TRMO: variants seen among roughly 807,000 people sequenced by gnomAD.
TRMO encodes the protein tRNA methyltransferase O, also known as tRNA (adenine(37)-N6)-methyltransferase.
In TRMO, 30 loss-of-function variants were observed where a neutral mutation model predicts 37.2. The observed-to-expected ratio is 0.81, with a 90% CI of 0.60 to 1.09. The LOEUF is 1.09. Ranked by LOEUF, TRMO falls within the 50% of genes least tolerant of loss-of-function variation. The probability of loss-of-function intolerance (pLI) is 0.00; values close to 1 mark genes in which losing one functional copy is unlikely to be tolerated. For synonymous variants in TRMO, 239 were observed against 199.4 expected (o/e 1.20, Z -1.67); for missense variants, 552 against 549.5 (o/e 1.00, Z -0.05).
chr9:97,920,137 G>C (rs1216903387), intron 1 of TRMO, among the ~76,000 whole-genome samples: 1 of 152,200 alleles, frequency 6.6e-6, no homozygotes, highest in African/African-American at 2.4e-5. Context: ...CAAAAGAACA[G>C]TAAACACCTA....
chr9:97,898,838 C>CTTTTTT, the TRMO span, among the ~76,000 whole-genome samples: 135 of 89,048 alleles, frequency 1.5e-3, 21 homozygotes, highest in East Asian at 8.3e-3. Context: ...TATATATATA[C>CTTTTTT]TTTTTTTTTT....
intron 2 of TRMO, among the ~76,000 whole-genome samples, chr9:97,915,465 C>A (rs1826312726): frequency 6.6e-6 from 1 of 152,098 alleles, no homozygotes; most frequent in African/African-American, 2.4e-5. Flanking sequence ...AAATAATTTA[C>A]AAAAATGGGC....
rs574170108 is a variant in TRMO at position 97,922,471 on chromosome 9, C to T, written c.23G>A (p.Gly8Glu). The T allele has an allele frequency of 1.1e-5, 17 of 1,585,292 alleles. No homozygotes were observed. The African/African-American group carries it at 2.1e-4, about 20-fold the overall frequency. Reference sequence around the variant, plus strand: ...GCACGGGGTCGCTGTAGGCCGAGGCCCCGACTCCTCCAAGCCGCGCATGGC... The same window carrying T: ...GCACGGGGTCGCTGTAGGCCGAGGCTCCGACTCCTCCAAGCCGCGCATGGC... MRGLEES[G>E]PRPTATPCGC... The change falls in exon 1 of 5, where the codon GGG (glycine) becomes GAG (glutamate). Residue 8 changes from glycine (G) to glutamate (E), a missense_variant. Gly to Glu is a moderately conservative substitution (Grantham distance 98). Transcript: ENST00000375119.
At chr9:97,900,884 G>T, downstream of TRMO, 1 of 182,314 alleles carries the variant, frequency 5.5e-6, no homozygotes, top group Non-Finnish European at 1.0e-5. Context: ...TCAATGCCTT[G>T]TCCGTGTGTG....
At chr9:97,913,360 T>C in intron 3 of TRMO, 41 bp downstream of exon 3, 1 of 1,611,994 alleles carries the variant, frequency 6.2e-7, no homozygotes, top group Non-Finnish European at 8.5e-7. Context: ...AAGGCTTTTT[T>C]GGGTGAGGAA....
At chr9:97,900,114 C>A (rs7038998), downstream of TRMO, among the ~76,000 whole-genome samples, 3 of 151,776 alleles carry the variant, frequency 2.0e-5, no homozygotes, top group East Asian at 1.9e-4. Context: ...TTAGGGACCC[C>A]CTAGATCCCC....
chr9:97,913,336 G>A (rs778171249), intron 3 of TRMO, 65 bp downstream of exon 3: 4 of 1,596,618 alleles, frequency 2.5e-6, no homozygotes, highest in African/African-American at 1.4e-5. Flanking sequence ...AGTGGTGAAT[G>A]CTGTTTATTT....
At chr9:97,900,658 G>T (rs376844853), downstream of TRMO, 71 of 431,476 alleles carry the variant, frequency 1.6e-4, 1 homozygote, top group African/African-American at 1.5e-3. Context: ...GCTTGAGCAC[G>T]TTACTCAACC....
chr9:97,921,423 ATTTT>A (rs1205049397), intron 1 of TRMO, among the ~76,000 whole-genome samples: 2 of 140,244 alleles, frequency 1.4e-5, no homozygotes, highest in African/African-American at 2.6e-5. Context: ...CAAAGTGTTA[ATTTT>A]TTTTTTTTTT....
intron 3 of TRMO, 82 bp from the exon 4 acceptor site, chr9:97,910,698 T>C (rs560191640): frequency 1.3e-6 from 2 of 1,483,454 alleles, no homozygotes; most frequent in African/African-American, 1.4e-5. Context: ...TCTAACACTG[T>C]CTGCTTACGC....
At chr9:97,921,454 C>T (rs945214679) in intron 1 of TRMO, among the ~76,000 whole-genome samples, 1 of 147,886 alleles carries the variant, frequency 6.8e-6, no homozygotes, top group Non-Finnish European at 1.5e-5. Context: ...GACGGAGTCT[C>T]GCTCTGTCGC....
intron 1 of TRMO, among the ~76,000 whole-genome samples, chr9:97,918,829 A>ACCTCACACCCTTCTTTTC (rs1826489183): frequency 6.6e-6 from 1 of 152,150 alleles, no homozygotes; most frequent in South Asian, 2.1e-4. Context: ...TTTTTCTCTT[A>ACCTCACACCCTTCTTTTC]CCTCACACCC....
At chr9:97,914,970 A>G (rs1380463110) in intron 2 of TRMO, among the ~76,000 whole-genome samples, 2 of 152,176 alleles carry the variant, frequency 1.3e-5, no homozygotes, top group Admixed American at 6.6e-5. Context: ...TCCATCATCA[A>G]TGTTTTTAAC....
At chr9:97,903,955 G>A (rs1015545404), downstream of TRMO, among the ~76,000 whole-genome samples, 2 of 152,190 alleles carry the variant, frequency 1.3e-5, no homozygotes, top group South Asian at 2.1e-4. Context: ...GGTGGCGCAC[G>A]CCTGTAATCC....
chr9:97,922,328 A>C, intron 1 of TRMO, 90 bp downstream of exon 1: 2 of 849,330 alleles, frequency 2.4e-6, no homozygotes, highest in East Asian at 2.7e-5. Flanking sequence ...TCAGTTCCAG[A>C]TCGTGCGTTT....
intron 3 of TRMO, chr9:97,912,899 G>C: frequency 7.7e-7 from 1 of 1,302,626 alleles, no homozygotes; most frequent in Non-Finnish European, 1.0e-6. Flanking sequence ...CTTGTAGTGT[G>C]ATTCATCCCA....
At chr9:97,904,105 A>C (rs1223259209), downstream of TRMO, among the ~76,000 whole-genome samples, 1 of 152,182 alleles carries the variant, frequency 6.6e-6, no homozygotes, top group Non-Finnish European at 1.5e-5. Context: ...AAACAAAAAA[A>C]CAGTAACAAT....
rs1685413408 is a variant in TRMO, at chr9:97,913,474, T to A, written c.336A>T (p.Gly112=). 1 of 1,613,968 alleles carries A rather than the reference T, an allele frequency of 6.2e-7. No individual in the cohort carries two copies. Residue 112 remains glycine (G), a synonymous_variant, in exon 3 of 5, where the codon GGA becomes GGT. Transcript: ENST00000375119. ...GATGAGGGCTCCTTGTGGAAAAAAC[T>A]CCAGTCTTTGCACCATTCAGCCTAG... ...QPPRLNGAKT[G]VFSTRSPHRP...
intron 1 of TRMO, among the ~76,000 whole-genome samples, chr9:97,922,195 C>T (rs1454134415): frequency 6.6e-6 from 1 of 152,222 alleles, no homozygotes; most frequent in Non-Finnish European, 1.5e-5. Flanking sequence ...ACTACGCAGA[C>T]AGTACAAGTC....
Sources: allele counts gnomAD v4.1 joint callset (sites outside exome capture counted in the v4.1 genomes callset), GRCh38; gene constraint gnomAD v4.1.1; transcripts MANE v1.5; gene names NCBI Gene and HGNC (gene_info 2026-07-23, HGNC 2026-07-21).